The following RANBP2 variants were observed in gnomAD, a reference collection of about 807,000 sequenced individuals.
RANBP2 encodes RAN binding protein 2.
A neutral mutation model predicts 303.6 loss-of-function variants in RANBP2; 57 were observed. That is an observed-to-expected ratio of 0.19 (90% confidence interval 0.15 to 0.23). RANBP2 has a LOEUF of 0.23. Ranked by LOEUF, RANBP2 falls within the 10% of genes least tolerant of loss-of-function variation. RANBP2 has a pLI of 1.00. For missense variants in RANBP2, 3,138 were observed against 3,780.8 expected (o/e 0.83, Z 4.46); for synonymous variants, 1,167 against 1,301.5 (o/e 0.90, Z 2.23).
the RANBP2 span, chr2:109,436,972 A>G: frequency 1.2e-6 from 2 of 1,613,856 alleles, no homozygotes; most frequent in Non-Finnish European, 8.5e-7. Flanking sequence ...AACCACAACC[A>G]TGCACCCAGG....
the RANBP2 span, among the ~76,000 whole-genome samples, chr2:109,044,676 T>C: frequency 6.6e-5 from 10 of 152,314 alleles, no homozygotes; most frequent in East Asian, 1.5e-3. Flanking sequence ...TAGGGTTTAC[T>C]GTGCTGTCTT....
chr2:109,401,205 C>T, the RANBP2 span, among the ~76,000 whole-genome samples: 1 of 152,202 alleles, frequency 6.6e-6, no homozygotes. Flanking sequence ...ATAACTTTGG[C>T]CCAGAGCTGG....
the RANBP2 span, among the ~76,000 whole-genome samples, chr2:109,748,828 G>A: frequency 4.8e-5 from 7 of 146,626 alleles, no homozygotes; most frequent in Non-Finnish European, 1.1e-4. Flanking sequence ...AGCCAAGATT[G>A]TGCCACTGCA....
chr2:109,601,859 CA>C, the RANBP2 span, among the ~76,000 whole-genome samples: 1 of 151,828 alleles, frequency 6.6e-6, no homozygotes, highest in East Asian at 1.9e-4. Flanking sequence ...CTGTATGAGT[CA>C]AGGAAATATG....
chr2:109,570,816 C>T, the RANBP2 span, among the ~76,000 whole-genome samples: 5 of 152,106 alleles, frequency 3.3e-5, no homozygotes, highest in African/African-American at 1.2e-4. Context: ...GCCACCACAC[C>T]CGGCCTGTAT....
At chr2:109,440,389 G>A in the RANBP2 span, among the ~76,000 whole-genome samples, 6 of 152,340 alleles carry the variant, frequency 3.9e-5, no homozygotes, top group South Asian at 8.3e-4. Context: ...AAGCCGAAAA[G>A]CTAAGCAGAG....
chr2:108,908,513 C>T, the RANBP2 span, among the ~76,000 whole-genome samples: 1 of 152,148 alleles, frequency 6.6e-6, no homozygotes, highest in Non-Finnish European at 1.5e-5. Flanking sequence ...GCCTGGAAAG[C>T]CCCCTCTTGA....
At chr2:109,455,035 T>G in the RANBP2 span, among the ~76,000 whole-genome samples, 2 of 152,206 alleles carry the variant, frequency 1.3e-5, no homozygotes, top group Non-Finnish European at 2.9e-5. Flanking sequence ...AAACTCTCCA[T>G]TTTCCATGAT....
At chr2:109,590,731 G>T in the RANBP2 span, among the ~76,000 whole-genome samples, 1 of 152,074 alleles carries the variant, frequency 6.6e-6, no homozygotes, top group African/African-American at 2.4e-5. Flanking sequence ...GCCCAGCCAT[G>T]AGGTAAATCC....
the RANBP2 span, among the ~76,000 whole-genome samples, chr2:109,115,750 A>T: frequency 1.7e-3 from 258 of 152,030 alleles, no homozygotes; most frequent in African/African-American, 5.8e-3. Flanking sequence ...ATTTGGCATG[A>T]TTTTGCAGTG....
At chr2:109,601,098 C>T in the RANBP2 span, among the ~76,000 whole-genome samples, 1 of 152,182 alleles carries the variant, frequency 6.6e-6, no homozygotes, top group African/African-American at 2.4e-5. Flanking sequence ...TAAGGAGCCT[C>T]CATTATACAG....
the RANBP2 span, among the ~76,000 whole-genome samples, chr2:109,297,422 C>T: frequency 6.6e-6 from 1 of 152,252 alleles, no homozygotes; most frequent in East Asian, 1.9e-4. Flanking sequence ...CTGCAAGAGG[C>T]CTGTGTACCC....
At chr2:109,612,074 A>C in the RANBP2 span, among the ~76,000 whole-genome samples, 1 of 152,198 alleles carries the variant, frequency 6.6e-6, no homozygotes, top group African/African-American at 2.4e-5. Flanking sequence ...CAACAACTGA[A>C]AACAACCTAG....
the RANBP2 span, among the ~76,000 whole-genome samples, chr2:109,303,358 G>C: frequency 6.6e-6 from 1 of 152,206 alleles, no homozygotes; most frequent in Non-Finnish European, 1.5e-5. Flanking sequence ...TCAGTTGAAT[G>C]AAGGTGGGCA....
chr2:109,061,248 A>G, the RANBP2 span, among the ~76,000 whole-genome samples: 1 of 152,272 alleles, frequency 6.6e-6, no homozygotes, highest in African/African-American at 2.4e-5. Flanking sequence ...ACAAACACCT[A>G]TGCACACAGA....
chr2:109,586,395 G>A, the RANBP2 span, among the ~76,000 whole-genome samples: 11 of 152,034 alleles, frequency 7.2e-5, 1 homozygote, highest in Middle Eastern at 3.4e-3. Flanking sequence ...GGTGAGATGA[G>A]TTTATCTAGC....
the RANBP2 span, among the ~76,000 whole-genome samples, chr2:109,579,111 T>A: frequency 2.6e-5 from 4 of 152,184 alleles, no homozygotes; most frequent in African/African-American, 9.6e-5. Context: ...TTACAGATGA[T>A]GAAGACAATA....
the RANBP2 span, among the ~76,000 whole-genome samples, chr2:109,090,841 C>T: frequency 6.6e-6 from 1 of 152,040 alleles, no homozygotes; most frequent in African/African-American, 2.4e-5. Flanking sequence ...TCCAGTCAAA[C>T]TTATATATAT....
the RANBP2 span, among the ~76,000 whole-genome samples, chr2:109,153,015 C>T: frequency 3.3e-5 from 5 of 152,156 alleles, no homozygotes; most frequent in African/African-American, 9.7e-5. Flanking sequence ...CTTAGAAGCA[C>T]GTTTTGATGG....
Sources: allele counts gnomAD v4.1 joint callset (sites outside exome capture counted in the v4.1 genomes callset), GRCh38; gene constraint gnomAD v4.1.1; transcripts MANE v1.5; gene names NCBI Gene and HGNC (gene_info 2026-07-23, HGNC 2026-07-21).